The following MTHFD1L variants were observed in gnomAD, a reference collection of about 807,000 sequenced individuals.
MTHFD1L encodes the protein monofunctional C1-tetrahydrofolate synthase, mitochondrial.
In MTHFD1L, 81 loss-of-function variants were observed where a neutral mutation model predicts 119.5. That is an observed-to-expected ratio of 0.68 (90% confidence interval 0.57 to 0.82). The LOEUF is 0.82. Ranked by LOEUF, MTHFD1L falls within the 40% of genes least tolerant of loss-of-function variation. The pLI, the probability that MTHFD1L is intolerant of heterozygous loss-of-function variation, is 0.00. For synonymous variants in MTHFD1L, 430 were observed against 475.2 expected (o/e 0.90, Z 1.24); for missense variants, 1,125 against 1,253.4 (o/e 0.90, Z 1.55).
At chr6:150,958,534 C>A (rs566524179) in intron 17 of MTHFD1L, among the ~76,000 whole-genome samples, 80 of 152,258 alleles carry the variant, frequency 5.3e-4, no homozygotes, top group South Asian at 2.1e-4. Flanking sequence ...CAATTCACAT[C>A]CTTGCCAATA....
At chr6:150,897,845 A>T (rs534713812) in intron 7 of MTHFD1L, among the ~76,000 whole-genome samples, 19 of 151,616 alleles carry the variant, frequency 1.3e-4, no homozygotes, top group East Asian at 5.8e-4. Flanking sequence ...ATTAGAATTT[A>T]AAAAAAAAAT....
At chr6:150,996,193 A>C (rs1779793019) in intron 20 of MTHFD1L, among the ~76,000 whole-genome samples, 1 of 152,126 alleles carries the variant, frequency 6.6e-6, no homozygotes, top group Non-Finnish European at 1.5e-5. Flanking sequence ...GGCACACCGG[A>C]AGGACCCAGG....
At chr6:150,972,963 C>T (rs1420791581) in intron 20 of MTHFD1L, among the ~76,000 whole-genome samples, 3 of 152,180 alleles carry the variant, frequency 2.0e-5, no homozygotes, top group Non-Finnish European at 4.4e-5. Context: ...TAAGTCAGTG[C>T]CAGCCCCAGT....
intron 26 of MTHFD1L, among the ~76,000 whole-genome samples, chr6:151,044,707 T>C (rs901079302): frequency 1.3e-5 from 2 of 152,132 alleles, no homozygotes; most frequent in African/African-American, 4.8e-5. Flanking sequence ...TTTATTTAAC[T>C]GGGTTGGCCT....
chr6:150,885,165 A>G (rs1782022287), intron 5 of MTHFD1L, among the ~76,000 whole-genome samples: 2 of 149,032 alleles, frequency 1.3e-5, no homozygotes, highest in South Asian at 4.2e-4. Context: ...AATGGCCTTT[A>G]TTGCCTGCTT....
chr6:150,875,414 G>A (rs957385901), intron 1 of MTHFD1L, among the ~76,000 whole-genome samples: 1 of 152,064 alleles, frequency 6.6e-6, no homozygotes, highest in Non-Finnish European at 1.5e-5. Flanking sequence ...GGGAGGTGAA[G>A]GTGGCTGCTG....
rs543667732 is a variant in MTHFD1L at position 150,999,258 on chromosome 6, A to G, written c.2126-10561A>G. Among the ~76,000 whole-genome samples, 14 of 152,256 alleles carry G rather than the reference A, an allele frequency of 9.2e-5. No homozygotes were observed. The East Asian group carries it at 2.5e-3, about 27-fold the overall frequency. ...TTCTTTCCCTTTTGGGTTTGTTTTC[A>G]TAACTGCTCAGTAAAAAGTGTTCTG... On this transcript the variant is annotated intron_variant, in intron 20 of 27. Coordinates refer to ENST00000367321, the MANE Select transcript of MTHFD1L (RefSeq NM_015440.5).
chr6:150,980,082 G>A (rs1240379102), intron 20 of MTHFD1L, among the ~76,000 whole-genome samples: 3 of 152,008 alleles, frequency 2.0e-5, no homozygotes, highest in Non-Finnish European at 4.4e-5. Context: ...TCTCAGCCTG[G>A]GCTCCACTTT....
chr6:150,916,096 G>A (rs1320330154), intron 8 of MTHFD1L, among the ~76,000 whole-genome samples: 1 of 152,032 alleles, frequency 6.6e-6, no homozygotes, highest in East Asian at 1.9e-4. Context: ...AACACCCAAG[G>A]GATATGATTA....
intron 26 of MTHFD1L, among the ~76,000 whole-genome samples, chr6:151,044,247 C>G (rs9478927): frequency 0.064 from 9,695 of 151,874 alleles, 541 homozygotes; most frequent in African/African-American, 0.14. Context: ...TTTGGCCCCT[C>G]TGCCCTTTCT....
rs1778177084 is a variant in MTHFD1L at position 150,865,714 on chromosome 6, G to C, written c.-109G>C. 1.7e-5 allele frequency: 15 copies of C among 889,906 alleles called. No individual in the cohort carries two copies. Among genetic ancestry groups the C allele is most frequent in the Admixed American group, 5.4e-5 (1 of 18,584 alleles). The allele number at this position is 889,906 out of a possible 1,614,324, so 55.1% of individuals were successfully genotyped here. ...CCCCTGGGACGAGGAGGAAGCGCCA[G>C]GTCCTTCCCGCCGCCGCCGCCGCCG... On this transcript the variant is annotated 5_prime_UTR_variant, in exon 1 of 28. Transcript: ENST00000367321.
chr6:151,041,960 G>A (rs1289247503), intron 26 of MTHFD1L: 2 of 372,278 alleles, frequency 5.4e-6, no homozygotes, highest in Admixed American at 3.9e-5. Flanking sequence ...TCACTTATAG[G>A]CCAGGGTTTT....
At chr6:150,968,941 C>T (rs1440802465) in intron 19 of MTHFD1L, among the ~76,000 whole-genome samples, 7 of 150,714 alleles carry the variant, frequency 4.6e-5, no homozygotes, top group East Asian at 3.9e-4. Context: ...CTCTGCCTTC[C>T]GGTTTCAAGC....
At chr6:150,919,507 G>A (rs560587732) in intron 9 of MTHFD1L, among the ~76,000 whole-genome samples, 115 of 152,256 alleles carry the variant, frequency 7.6e-4, no homozygotes, top group Non-Finnish European at 1.4e-3. Flanking sequence ...TTACAGGCAT[G>A]AGCCACCGCG....
At chr6:151,002,052 A>G (rs1031275833) in intron 20 of MTHFD1L, among the ~76,000 whole-genome samples, 1 of 152,224 alleles carries the variant, frequency 6.6e-6, no homozygotes, top group Non-Finnish European at 1.5e-5. Context: ...CTTACCTCTC[A>G]GTTCAGGAAA....
chr6:151,049,086 TGGCTC>T (rs1788569292), intron 26 of MTHFD1L, among the ~76,000 whole-genome samples: 1 of 152,228 alleles, frequency 6.6e-6, no homozygotes, highest in Non-Finnish European at 1.5e-5. Context: ...CCGGGCACGG[TGGCTC>T]ATGCCTGTAA....
intron 25 of MTHFD1L, 150 bp downstream of exon 25, chr6:151,034,750 A>T (rs547633679): frequency 1.5e-6 from 1 of 647,508 alleles, no homozygotes; most frequent in East Asian, 2.7e-5. Flanking sequence ...ATCCTCGGGT[A>T]GAGTGTAGAC....
At chr6:150,931,494 C>T (rs183032313) in intron 11 of MTHFD1L, among the ~76,000 whole-genome samples, 3 of 152,226 alleles carry the variant, frequency 2.0e-5, no homozygotes, top group East Asian at 3.9e-4. Flanking sequence ...CCCACAGGGC[C>T]TTTGAACCGT....
intron 7 of MTHFD1L, among the ~76,000 whole-genome samples, chr6:150,889,548 T>G (rs35652513): frequency 0.062 from 9,431 of 152,292 alleles, 369 homozygotes; most frequent in Non-Finnish European, 0.084. Flanking sequence ...TAGCCAATAA[T>G]TAGTGTCTTA....
Sources: allele counts gnomAD v4.1 joint callset (sites outside exome capture counted in the v4.1 genomes callset), GRCh38; gene constraint gnomAD v4.1.1; transcripts MANE v1.5; gene names NCBI Gene and HGNC (gene_info 2026-07-23, HGNC 2026-07-21).